RBFOX1: variants seen among roughly 807,000 people sequenced by gnomAD.
RBFOX1 encodes the protein RNA binding protein fox-1 homolog 1.
RBFOX1 carries 8 observed loss-of-function variants against 57.7 expected under a neutral mutation model. The ratio of observed to expected loss-of-function variants is 0.14; its 90% CI spans 0.08 to 0.25. The LOEUF (loss-of-function observed/expected upper bound fraction) is 0.25, where lower values mean the gene tolerates loss of function less well. Among genes scored for constraint, RBFOX1 ranks in the 10% least tolerant of loss-of-function variants. The pLI is 1.00. For synonymous variants in RBFOX1, 326 were observed against 222.4 expected, an observed-to-expected ratio of 1.47 and a Z score of -4.15; for missense variants, 611 against 548.5, an observed-to-expected ratio of 1.11 and a Z score of -1.14.
rs547493241 is a variant in RBFOX1 at position 6,445,718 on chromosome 16, G to T, written c.-64+128661G>T. Among the ~76,000 whole-genome samples, 12 of 152,114 alleles carry T rather than the reference G, an allele frequency of 7.9e-5. 1 individual carries two copies. The highest frequency in any genetic ancestry group is 2.9e-4 in the African/African-American group (12 of 41,514). On this transcript the variant is annotated intron_variant, in intron 2 of 15. Coordinates refer to ENST00000550418, the MANE Select transcript of RBFOX1 (RefSeq NM_018723.4). ...CTGCCTCAGCCTCCCGAGTAGCTGG[G>T]ACTACAGGCACACACCACCATGCCC...
At chr16:7,000,075 A>T (rs1376157532) in intron 3 of RBFOX1, among the ~76,000 whole-genome samples, 1 of 150,102 alleles carries the variant, frequency 6.7e-6, no homozygotes, top group Non-Finnish European at 1.5e-5. Context: ...GTTTCAAAGA[A>T]AAAAAAAAAA....
intron 4 of RBFOX1, among the ~76,000 whole-genome samples, chr16:5,897,729 T>C (rs2058202348): frequency 6.6e-6 from 1 of 152,184 alleles, no homozygotes; most frequent in Non-Finnish European, 1.5e-5. Context: ...ACCTGACTGG[T>C]GTCTCCCCAG....
intron 3 of RBFOX1, among the ~76,000 whole-genome samples, chr16:6,812,632 C>T (rs569702589): frequency 1.2e-3 from 185 of 152,284 alleles, no homozygotes; most frequent in Middle Eastern, 3.4e-3. Context: ...CCGCCTCAGC[C>T]TACCACAGTG....
chr16:6,003,703 C>T (rs1215634425), intron 4 of RBFOX1, among the ~76,000 whole-genome samples: 2 of 152,352 alleles, frequency 1.3e-5, no homozygotes, highest in South Asian at 2.1e-4. Flanking sequence ...GGGGCCTTGG[C>T]CAAGTTCTTT....
In RBFOX1 at chr16:5,962,265, C is replaced by T. The variant is rs151127693; in HGVS notation, c.351+94930C>T. 3.3e-5 allele frequency among the ~76,000 whole-genome samples: 5 copies of T among 152,266 alleles called. No individual in the cohort carries two copies. In the East Asian group the frequency reaches 7.7e-4, roughly 24 times the overall value. On this transcript the variant is annotated intron_variant, in intron 4 of 19. Coordinates refer to the RBFOX1 transcript ENST00000641259. ...ACTTCTCATCAAGCCTGAGCTATTA[C>T]AGTATTTCCCTAAATTGTTTCCCAG...
chr16:5,374,048 G>T (rs528354241), intron 1 of RBFOX1, among the ~76,000 whole-genome samples: 40 of 152,300 alleles, frequency 2.6e-4, no homozygotes, highest in Non-Finnish European at 3.5e-4. Flanking sequence ...CTCCTGAGTA[G>T]CTGCGATTAC....
At chr16:7,080,089 A>ATG (rs1230862972) in intron 4 of RBFOX1, among the ~76,000 whole-genome samples, 72 of 143,896 alleles carry the variant, frequency 5.0e-4, no homozygotes, top group Non-Finnish European at 7.9e-4. Context: ...ATATGTATAT[A>ATG]TGTATATATA....
At chr16:6,543,801 G>C (rs1481800858) in intron 2 of RBFOX1, among the ~76,000 whole-genome samples, 2 of 152,064 alleles carry the variant, frequency 1.3e-5, no homozygotes, top group Non-Finnish European at 2.9e-5. Context: ...TGTCACTACA[G>C]AGTCTACCCT....
chr16:7,060,185 C>A (rs1384134668), intron 4 of RBFOX1, among the ~76,000 whole-genome samples: 1 of 152,086 alleles, frequency 6.6e-6, no homozygotes, highest in Non-Finnish European at 1.5e-5. Context: ...TCCATTGCCC[C>A]CACTCGACAC....
At chr16:5,646,182 A>ATTTTTTTTTTT (rs55685218) in intron 3 of RBFOX1, among the ~76,000 whole-genome samples, 5 of 133,726 alleles carry the variant, frequency 3.7e-5, no homozygotes, top group Non-Finnish European at 4.7e-5. Flanking sequence ...GGCACGTGCT[A>ATTTTTTTTTTT]TTTTTTTTTT....
At chr16:7,513,263 C>T (rs992585335) in intron 4 of RBFOX1, among the ~76,000 whole-genome samples, 1 of 40,324 alleles carries the variant, frequency 2.5e-5, no homozygotes, top group Non-Finnish European at 6.6e-5. Context: ...AACTCTGTGT[C>T]AAAAAAATAA....
At chr16:6,861,159 G>A (rs1453305729) in intron 3 of RBFOX1, among the ~76,000 whole-genome samples, 1 of 152,104 alleles carries the variant, frequency 6.6e-6, no homozygotes, top group Non-Finnish European at 1.5e-5. Context: ...TTTTTTATAT[G>A]TCTCATGTAT....
intron 1 of RBFOX1, among the ~76,000 whole-genome samples, chr16:6,132,567 C>A (rs1012451721): frequency 2.6e-5 from 4 of 152,160 alleles, no homozygotes; most frequent in African/African-American, 4.8e-5. Flanking sequence ...AGTTCAGTTA[C>A]TCACTGGGGA....
chr16:7,539,541 T>C (rs2082355450), intron 5 of RBFOX1, among the ~76,000 whole-genome samples: 1 of 152,244 alleles, frequency 6.6e-6, no homozygotes, highest in South Asian at 2.1e-4. Flanking sequence ...ATGTGTTTCC[T>C]CATGTATTTC....
chr16:6,750,926 G>T (rs1371760683), intron 3 of RBFOX1, among the ~76,000 whole-genome samples: 4 of 152,168 alleles, frequency 2.6e-5, no homozygotes, highest in Admixed American at 2.6e-4. Context: ...CTAGGGAAGT[G>T]CTCTTGGAGA....
chr16:6,800,487 A>T (rs900253456), intron 3 of RBFOX1, among the ~76,000 whole-genome samples: 1 of 152,178 alleles, frequency 6.6e-6, no homozygotes, highest in Admixed American at 6.5e-5. Context: ...GGGTCGGAGC[A>T]TCTGCATTTC....
At chr16:7,415,980 C>G (rs1481412938) in intron 4 of RBFOX1, among the ~76,000 whole-genome samples, 2 of 152,280 alleles carry the variant, frequency 1.3e-5, no homozygotes, top group East Asian at 3.9e-4. Context: ...GGACTGTCTT[C>G]TCTCTTCTTT....
intron 1 of RBFOX1, among the ~76,000 whole-genome samples, chr16:5,390,489 G>C (rs494713): frequency 6.6e-6 from 1 of 151,886 alleles, no homozygotes; most frequent in Non-Finnish European, 1.5e-5. Flanking sequence ...GGGTTTCACC[G>C]TGTTGGCCAG....
At chr16:5,491,175 A>G (rs896907140) in intron 2 of RBFOX1, among the ~76,000 whole-genome samples, 2 of 152,284 alleles carry the variant, frequency 1.3e-5, no homozygotes, top group African/African-American at 4.8e-5. Context: ...TAATAAACAC[A>G]CAAAAAAGCA....
Sources: allele counts gnomAD v4.1 joint callset (sites outside exome capture counted in the v4.1 genomes callset), GRCh38; gene constraint gnomAD v4.1.1; transcripts MANE v1.5; gene names NCBI Gene and HGNC (gene_info 2026-07-23, HGNC 2026-07-21).